ZNF423: variants seen among roughly 807,000 people sequenced by gnomAD.
The protein encoded by ZNF423 is zinc finger protein 423, also known as Ebf-associated zinc finger protein.
In ZNF423, 12 loss-of-function variants were observed where a neutral mutation model predicts 95.8. The observed-to-expected ratio is 0.13, with a 90% CI of 0.08 to 0.20. ZNF423 has a LOEUF of 0.20. Among genes scored for constraint, ZNF423 ranks in the 10% least tolerant of loss-of-function variants. The pLI is 1.00. For missense variants in ZNF423, 1,316 were observed against 1,737.1 expected, an observed-to-expected ratio of 0.76 and a Z score of 4.31; for synonymous variants, 749 against 711.9, an observed-to-expected ratio of 1.05 and a Z score of -0.83.
At chr16:49,818,800 T>A (rs1011468610) in intron 1 of ZNF423, among the ~76,000 whole-genome samples, 2 of 152,056 alleles carry the variant, frequency 1.3e-5, no homozygotes, top group African/African-American at 4.8e-5. Context: ...GATGAGAGGA[T>A]CACTTGAGCC....
chr16:49,815,514 T>C (rs757282338), intron 1 of ZNF423, among the ~76,000 whole-genome samples: 1 of 151,996 alleles, frequency 6.6e-6, no homozygotes, highest in African/African-American at 2.4e-5. Context: ...CACAGGGAAG[T>C]GGTATGACGG....
chr16:49,832,185 C>T (rs1200484074), intron 1 of ZNF423, among the ~76,000 whole-genome samples: 1 of 152,166 alleles, frequency 6.6e-6, no homozygotes, highest in Non-Finnish European at 1.5e-5. Context: ...GAAGCTTTGT[C>T]AAACCATTCC....
rs905371422 is a variant in ZNF423, at chr16:49,635,682, G to A, written c.3494C>T (p.Thr1165Ile). The A allele has an allele frequency of 4.4e-6, 7 of 1,585,436 alleles. No homozygotes were observed. In the African/African-American group the frequency reaches 6.8e-5, roughly 15 times the overall value. ...TACCCGGGGCACTGGCGATGTCTGG[G>A]TGCCTTTCCGGGGCCCACTGGTCTC... ...TPETSGPRKG[T>I]QTSPVPRKKT... The change falls in exon 4 of 8, where the codon ACC becomes ATC. Residue 1165 changes from threonine to isoleucine, a missense_variant. Transcript: ENST00000563137. The surrounding 1 kb of genome is among the most constrained non-coding windows in gnomAD (Gnocchi z 4.8).
At chr16:49,634,191 C>A (rs186605820) in intron 4 of ZNF423, among the ~76,000 whole-genome samples, 1 of 146,780 alleles carries the variant, frequency 6.8e-6, no homozygotes, top group Non-Finnish European at 1.5e-5. Context: ...CAGGCGTGAG[C>A]CACCACACCT....
intron 1 of ZNF423, among the ~76,000 whole-genome samples, chr16:49,823,925 T>G (rs2034976300): frequency 6.6e-6 from 1 of 151,898 alleles, no homozygotes; most frequent in African/African-American, 2.4e-5. Flanking sequence ...GTGAGACCTC[T>G]CTACAAAAAA....
chr16:49,533,076 C>T (rs751728109), intron 5 of ZNF423, among the ~76,000 whole-genome samples: 40 of 152,202 alleles, frequency 2.6e-4, no homozygotes, highest in Non-Finnish European at 5.3e-4. Flanking sequence ...TCCTGCCTTC[C>T]AGCATCTGGT....
chr16:49,498,200 G>C (rs1470336610), intron 7 of ZNF423, among the ~76,000 whole-genome samples: 1 of 152,116 alleles, frequency 6.6e-6, no homozygotes, highest in Non-Finnish European at 1.5e-5. Flanking sequence ...TAAGCCTCAC[G>C]ACTGCCCTGC....
intron 1 of ZNF423, among the ~76,000 whole-genome samples, chr16:49,844,678 C>T (rs1348015910): frequency 1.3e-5 from 2 of 152,238 alleles, no homozygotes; most frequent in East Asian, 3.8e-4. Context: ...TTCACTTGTT[C>T]ACCCATTCAT....
At chr16:49,774,858 A>C (rs2034094621) in intron 2 of ZNF423, among the ~76,000 whole-genome samples, 2 of 152,186 alleles carry the variant, frequency 1.3e-5, no homozygotes, top group South Asian at 2.1e-4. Flanking sequence ...GTGGTAGTCA[A>C]AAAAAGGGAT....
At chr16:49,845,660 C>A (rs911756070) in intron 1 of ZNF423, among the ~76,000 whole-genome samples, 1 of 152,054 alleles carries the variant, frequency 6.6e-6, no homozygotes, top group Non-Finnish European at 1.5e-5. Flanking sequence ...CCCACCTTAG[C>A]CTCCTAAGTA....
At chr16:49,699,946 G>T (rs1456896955) in intron 3 of ZNF423, among the ~76,000 whole-genome samples, 1 of 152,074 alleles carries the variant, frequency 6.6e-6, no homozygotes, top group East Asian at 1.9e-4. Context: ...CCCGAGCCAG[G>T]GCCCCAGGCC....
At chr16:49,675,169 C>T (rs1259225254) in intron 3 of ZNF423, among the ~76,000 whole-genome samples, 1 of 152,208 alleles carries the variant, frequency 6.6e-6, no homozygotes, top group African/African-American at 2.4e-5. Flanking sequence ...ACCCTGGATA[C>T]ATCACTAAAC....
intron 1 of ZNF423, among the ~76,000 whole-genome samples, chr16:49,812,803 T>C (rs2034774733): frequency 6.6e-6 from 1 of 152,112 alleles, no homozygotes; most frequent in Non-Finnish European, 1.5e-5. Flanking sequence ...CTTCCATTTG[T>C]GTTGGGGAGG....
chr16:49,631,133 C>A (rs978225362), intron 4 of ZNF423, among the ~76,000 whole-genome samples: 1 of 152,122 alleles, frequency 6.6e-6, no homozygotes, highest in African/African-American at 2.4e-5. Flanking sequence ...CACACTCATC[C>A]AGAGACCCTG....
intron 5 of ZNF423, among the ~76,000 whole-genome samples, chr16:49,549,034 A>G (rs1024795201): frequency 3.9e-5 from 6 of 152,230 alleles, no homozygotes; most frequent in Admixed American, 2.6e-4. Flanking sequence ...GAGTGGTGAA[A>G]AAAAGTAGTT....
intron 2 of ZNF423, among the ~76,000 whole-genome samples, chr16:49,748,246 T>C (rs1196252201): frequency 6.6e-6 from 1 of 152,232 alleles, no homozygotes; most frequent in Non-Finnish European, 1.5e-5. Flanking sequence ...ATTAAAGTCA[T>C]GCACATCATT....
intron 5 of ZNF423, among the ~76,000 whole-genome samples, chr16:49,565,024 G>C (rs922145873): frequency 6.6e-6 from 1 of 152,080 alleles, no homozygotes; most frequent in South Asian, 2.1e-4. Context: ...TTGAGGTTTC[G>C]GTTGGAAACT....
At chr16:49,620,244 C>A (rs1019709322) in intron 5 of ZNF423, among the ~76,000 whole-genome samples, 1 of 145,978 alleles carries the variant, frequency 6.9e-6, no homozygotes. Context: ...CAGACACATA[C>A]ACACACAGAC....
At chr16:49,654,830 G>A (rs1973546457) in intron 3 of ZNF423, among the ~76,000 whole-genome samples, 1 of 152,242 alleles carries the variant, frequency 6.6e-6, no homozygotes, top group South Asian at 2.1e-4. Flanking sequence ...CAAAAGAGAG[G>A]GCAGAGTCCA....
Sources: gnomAD v4.1 joint callset for allele counts (sites outside exome capture counted in the v4.1 genomes callset) on GRCh38, gnomAD v4.1.1 for gene constraint, Gnocchi (gnomAD v3.1) non-coding constraint, MANE v1.5 for transcripts, NCBI Gene and HGNC (gene_info 2026-07-23, HGNC 2026-07-21) for gene names.